Variants in PRKCA observed in about 807,000 individuals in gnomAD.
The protein encoded by PRKCA is protein kinase C alpha.
In PRKCA, 27 loss-of-function variants were observed where a neutral mutation model predicts 87.0. That is an observed-to-expected ratio of 0.31 (90% confidence interval 0.23 to 0.43). PRKCA has a LOEUF of 0.43. Among genes scored for constraint, PRKCA ranks in the 20% least tolerant of loss-of-function variants. The pLI is 1.00. For synonymous variants in PRKCA, 329 were observed against 311.1 expected (o/e 1.06, Z -0.61); for missense variants, 518 against 852.3 (o/e 0.61, Z 4.88).
At chr17:66,368,752 A>T (rs1349032858) in intron 2 of PRKCA, among the ~76,000 whole-genome samples, 1 of 152,100 alleles carries the variant, frequency 6.6e-6, no homozygotes. Context: ...GGTGCTTCCT[A>T]TGGGAAGATA....
intron 3 of PRKCA, among the ~76,000 whole-genome samples, chr17:66,507,409 A>C (rs974003200): frequency 4.7e-4 from 72 of 152,176 alleles, no homozygotes; most frequent in African/African-American, 1.7e-3. Context: ...TGAACAGCAA[A>C]GCTAACTTAG....
rs575278311 is a variant in PRKCA at position 66,562,226 on chromosome 17, T to TTA, written c.288+65957_288+65958dup. Among the ~76,000 whole-genome samples the TTA allele has an allele frequency of 4.5e-3, 587 of 131,238 alleles. 26 individuals are homozygous for TTA. Among genetic ancestry groups the TTA allele is most frequent in the African/African-American group, 0.013 (424 of 33,238 alleles). The allele number at this position is 131,238 out of a possible 152,430, so 86.1% of individuals were successfully genotyped here. A position where few individuals can be genotyped will look rare whatever the true frequency, so the allele number is the denominator to read the frequency against. On this transcript the variant is annotated intron_variant, in intron 3 of 16. Coordinates refer to ENST00000413366, the MANE Select transcript of PRKCA (RefSeq NM_002737.3). ...ATATATATAATTAAATTATATATAA[T>TTA]TATATATATATATATCTCACCACAA...
intron 3 of PRKCA, among the ~76,000 whole-genome samples, chr17:66,575,231 T>C (rs1339546120): frequency 5.3e-5 from 8 of 152,186 alleles, no homozygotes; most frequent in Admixed American, 4.6e-4. Flanking sequence ...CCAGATGATA[T>C]AGTGGGATGG....
chr17:66,352,466 G>A (rs1209073705), intron 2 of PRKCA, among the ~76,000 whole-genome samples: 2 of 151,686 alleles, frequency 1.3e-5, no homozygotes, highest in Middle Eastern at 3.4e-3. Context: ...CTGCTGAGGC[G>A]GTTGACATTC....
At chr17:66,670,709 C>T (rs1598860384) in intron 5 of PRKCA, among the ~76,000 whole-genome samples, 2 of 151,678 alleles carry the variant, frequency 1.3e-5, no homozygotes, top group Middle Eastern at 6.8e-3. Flanking sequence ...AAAAAAAACA[C>T]AGAAATGACC....
chr17:66,602,910 G>A (rs934400818), intron 3 of PRKCA, among the ~76,000 whole-genome samples: 5 of 152,146 alleles, frequency 3.3e-5, no homozygotes, highest in Admixed American at 6.5e-5. Flanking sequence ...GGCGGTAACC[G>A]GGGATTCAGT....
chr17:66,519,789 C>T (rs59337138), intron 3 of PRKCA, among the ~76,000 whole-genome samples: 3,172 of 152,288 alleles, frequency 0.021, 98 homozygotes, highest in African/African-American at 0.07. Flanking sequence ...AGCAAGGCAG[C>T]GGCTGGGGCC....
At chr17:66,464,341 G>A (rs75004001) in intron 2 of PRKCA, among the ~76,000 whole-genome samples, 2,010 of 152,266 alleles carry the variant, frequency 0.013, 18 homozygotes, top group Middle Eastern at 0.027. Flanking sequence ...ATAAACATCC[G>A]TGTGCAGGTT....
intron 2 of PRKCA, among the ~76,000 whole-genome samples, chr17:66,325,820 A>G (rs1349366349): frequency 1.3e-5 from 2 of 152,184 alleles, no homozygotes; most frequent in Admixed American, 6.5e-5. Flanking sequence ...CACAACTCCT[A>G]TTTTTGAAAA....
At chr17:66,699,627 G>T (rs1205824767) in intron 8 of PRKCA, among the ~76,000 whole-genome samples, 2 of 152,206 alleles carry the variant, frequency 1.3e-5, no homozygotes, top group Non-Finnish European at 2.9e-5. Flanking sequence ...TCGCTCTGTT[G>T]CCCAGGCTAG....
chr17:66,508,230 T>C (rs1039812321), intron 3 of PRKCA, among the ~76,000 whole-genome samples: 1 of 152,324 alleles, frequency 6.6e-6, no homozygotes, highest in Non-Finnish European at 1.5e-5. Flanking sequence ...AGTGGGAAGG[T>C]CCATTCTAAT....
chr17:66,355,479 G>A (rs899790535), intron 2 of PRKCA, among the ~76,000 whole-genome samples: 1 of 152,168 alleles, frequency 6.6e-6, no homozygotes, highest in Non-Finnish European at 1.5e-5. Context: ...TTTCAGTCTA[G>A]TGGCGGGTGC....
intron 2 of PRKCA, among the ~76,000 whole-genome samples, chr17:66,448,370 C>T (rs1349124787): frequency 2.6e-5 from 4 of 152,094 alleles, no homozygotes; most frequent in East Asian, 1.9e-4. Flanking sequence ...AAATTGGTTT[C>T]GGAAATCGAG....
intron 5 of PRKCA, among the ~76,000 whole-genome samples, chr17:66,663,756 C>T (rs969043445): frequency 6.6e-6 from 1 of 152,156 alleles, no homozygotes; most frequent in East Asian, 1.9e-4. Flanking sequence ...TGAATAGTGA[C>T]ACCTTCCCCG....
intron 3 of PRKCA, among the ~76,000 whole-genome samples, chr17:66,521,274 G>C (rs891446123): frequency 1.3e-5 from 2 of 152,204 alleles, no homozygotes; most frequent in Admixed American, 6.5e-5. Flanking sequence ...GAAGTCCAAA[G>C]ATGGTAATAA....
intron 16 of PRKCA, among the ~76,000 whole-genome samples, chr17:66,797,521 C>T (rs1047936168): frequency 3.9e-5 from 6 of 152,146 alleles, no homozygotes; most frequent in Non-Finnish European, 5.9e-5. Flanking sequence ...GCAGGGTGTA[C>T]CCTATGTCTG....
chr17:66,333,927 T>TAA (rs1906504298), intron 2 of PRKCA, among the ~76,000 whole-genome samples: 5 of 152,088 alleles, frequency 3.3e-5, no homozygotes, highest in African/African-American at 9.7e-5. Flanking sequence ...TTAGAACACC[T>TAA]AATATAAAGT....
intron 5 of PRKCA, among the ~76,000 whole-genome samples, chr17:66,686,240 C>G (rs1972623589): frequency 6.6e-6 from 1 of 152,178 alleles, no homozygotes; most frequent in African/African-American, 2.4e-5. Flanking sequence ...GCCTGTTTTC[C>G]TCTGTGGATG....
At chr17:66,510,707 T>C (rs1917186836) in intron 3 of PRKCA, among the ~76,000 whole-genome samples, 1 of 152,176 alleles carries the variant, frequency 6.6e-6, no homozygotes, top group African/African-American at 2.4e-5. Context: ...TCATGAGAAA[T>C]TGTTATGAGA....
Sources: allele counts gnomAD v4.1 joint callset (sites outside exome capture counted in the v4.1 genomes callset), GRCh38; gene constraint gnomAD v4.1.1; transcripts MANE v1.5; gene names NCBI Gene and HGNC (gene_info 2026-07-23, HGNC 2026-07-21).